RBL2: variants seen among roughly 807,000 people sequenced by gnomAD.
The protein encoded by RBL2 is retinoblastoma-like protein 2.
RBL2 carries 56 observed loss-of-function variants against 126.0 expected under a neutral mutation model. That is an observed-to-expected ratio of 0.44 (90% CI 0.36 to 0.56). The LOEUF is 0.56. Among genes scored for constraint, RBL2 ranks in the 20% least tolerant of loss-of-function variants. The pLI is 0.00. For missense variants in RBL2, 1,229 were observed against 1,398.2 expected (o/e 0.88, Z 1.93); for synonymous variants, 454 against 478.5 (o/e 0.95, Z 0.67).
chr16:53,435,810 T>G (rs572785166), intron 1 of RBL2: 3 of 1,187,862 alleles, frequency 2.5e-6, no homozygotes, highest in East Asian at 5.7e-5. Context: ...TAATTTGTAT[T>G]TGCATTAATA....
intron 1 of RBL2, 111 bp from the exon 2 acceptor site, chr16:53,438,903 TAA>T (rs1360053443): frequency 3.3e-6 from 1 of 304,454 alleles, no homozygotes; most frequent in Non-Finnish European, 5.3e-6. Flanking sequence ...TCATTGAAAC[TAA>T]GTTTCCCACA....
intron 21 of RBL2, among the ~76,000 whole-genome samples, chr16:53,484,373 G>A (rs1961076881): frequency 6.6e-6 from 1 of 152,138 alleles, no homozygotes; most frequent in Admixed American, 6.6e-5. Flanking sequence ...AATGTAAATG[G>A]TCTAAATGTA....
intron 1 of RBL2, 41 bp downstream of exon 1, chr16:53,434,837 G>A (rs779402219): frequency 8.2e-6 from 12 of 1,454,886 alleles, no homozygotes; most frequent in Non-Finnish European, 1.1e-5. Context: ...CCTAGTTGGC[G>A]TGAACCGGTG....
intron 9 of RBL2, among the ~76,000 whole-genome samples, chr16:53,461,485 C>T (rs916996820): frequency 1.3e-5 from 2 of 151,218 alleles, no homozygotes; most frequent in African/African-American, 4.9e-5. Context: ...GAGCGAGACT[C>T]TGTCTCAAAA....
chr16:53,436,652 A>G (rs1476339357), intron 1 of RBL2, among the ~76,000 whole-genome samples: 1 of 152,204 alleles, frequency 6.6e-6, no homozygotes. Flanking sequence ...AATACTGGTT[A>G]TGGAATTTTA....
intron 14 of RBL2, 52 bp downstream of exon 14, chr16:53,467,221 A>T: frequency 7.1e-7 from 1 of 1,413,776 alleles, no homozygotes; most frequent in Non-Finnish European, 1.0e-6. Context: ...CTGGAAATTT[A>T]AATTTCATCT....
chr16:53,487,844 A>C (rs917453069), intron 21 of RBL2: 3 of 152,246 alleles, frequency 2.0e-5, no homozygotes, highest in Non-Finnish European at 2.9e-5. Context: ...AAAACCACCA[A>C]ATGTAAAAGT....
chr16:53,455,357 A>G (rs1485278726), intron 8 of RBL2, among the ~76,000 whole-genome samples: 1 of 152,246 alleles, frequency 6.6e-6, no homozygotes. Flanking sequence ...ACTTCTGGCA[A>G]GTGCCACCAG....
At chr16:53,467,359 G>T (rs1659735845) in intron 14 of RBL2, among the ~76,000 whole-genome samples, 190 bp downstream of exon 14, 1 of 152,060 alleles carries the variant, frequency 6.6e-6, no homozygotes, top group Non-Finnish European at 1.5e-5. Context: ...GATATAACAG[G>T]TATCTTTTAA....
At chr16:53,452,765 C>T (rs1249278527) in intron 5 of RBL2, among the ~76,000 whole-genome samples, 4 of 152,078 alleles carry the variant, frequency 2.6e-5, no homozygotes. Context: ...CTCCTGGGCT[C>T]AGATGATCCT....
At chr16:53,488,127 A>C (rs961662957) in intron 21 of RBL2, 1 of 152,222 alleles carries the variant, frequency 6.6e-6, no homozygotes, top group African/African-American at 2.4e-5. Flanking sequence ...CTTTCTTCCT[A>C]ATTGCCAAAA....
chr16:53,467,274 A>ATTTTC, intron 14 of RBL2, 105 bp downstream of exon 14: 4 of 890,374 alleles, frequency 4.5e-6, no homozygotes, highest in Non-Finnish European at 7.0e-6. Flanking sequence ...AGAAGAAAAT[A>ATTTTC]TTCTATGCAT....
chr16:53,478,234 T>C (rs1043054856), intron 17 of RBL2, among the ~76,000 whole-genome samples: 13 of 152,200 alleles, frequency 8.5e-5, no homozygotes, highest in Non-Finnish European at 1.8e-4. Context: ...ACTGAAAAGT[T>C]GTTTTTCTCT....
intron 7 of RBL2, chr16:53,454,243 C>T (rs749157922): frequency 8.8e-6 from 4 of 452,366 alleles, no homozygotes; most frequent in East Asian, 7.0e-5. Context: ...CTCGCTGTGT[C>T]GCCCAGGCTG....
chr16:53,479,064 C>G, intron 17 of RBL2, 90 bp from the exon 18 acceptor site: 1 of 976,704 alleles, frequency 1.0e-6, no homozygotes, highest in East Asian at 2.4e-5. Flanking sequence ...TAATTTTCAC[C>G]CCTTTTACTG....
At position 53,459,509 on chromosome 16, in the gene RBL2, G is replaced by A. The variant is rs1290333229; in HGVS notation, c.1238G>A (p.Ser413Asn). ...GGTGTTAGGTACATTAAGGAGAATA[G>A]CCCTTGTGTGACTCCAGTTTCTACA... The part of the protein sequence containing the change: ...LTGVRYIKEN[S>N]PCVTPVSTAT... Residue 413 changes from serine to asparagine, a missense_variant, in exon 9 of 22, where the codon AGC becomes AAC. Around this residue, in one of 2 missense-constraint regions of RBL2, gnomAD observed 1,070 missense variants for 1,274.3 expected, o/e 0.84. Transcript: ENST00000262133. 1.9e-6 allele frequency: 3 copies of A among 1,613,002 alleles called. No homozygotes were observed. The East Asian group carries it at 6.7e-5, about 36-fold the overall frequency.
chr16:53,465,642 A>G (rs373232095), intron 13 of RBL2, 40 bp downstream of exon 13: 44 of 1,432,884 alleles, frequency 3.1e-5, no homozygotes, highest in Non-Finnish European at 4.1e-5. Context: ...AAAATACATC[A>G]ATATCTAATC....
chr16:53,465,431 AT>A lies in RBL2; in HGVS notation c.1699-4del. ...TATTCAGTGAACCAAGACATTTTTT[AT>A]TTCAGGTGATAGAAGTATTCATTAG... On this transcript the variant is annotated splice_region_variant and splice_polypyrimidine_tract_variant and intron_variant, in intron 12 of 21. Coordinates refer to ENST00000262133, the MANE Select transcript of RBL2 (RefSeq NM_005611.4). 1 of 1,388,040 alleles carries A rather than the reference AT, an allele frequency of 7.2e-7. No individual in the cohort carries two copies. Among genetic ancestry groups the A allele is most frequent in the Non-Finnish European group, 9.4e-7 (1 of 1,060,622 alleles). The allele number at this position is 1,388,040 out of a possible 1,614,324, so 86.0% of individuals were successfully genotyped here. A position where few individuals can be genotyped will look rare whatever the true frequency, so the allele number is the denominator to read the frequency against.
At chr16:53,471,014 C>G (rs1254639180) in intron 17 of RBL2, 92 bp downstream of exon 17, 1 of 1,303,282 alleles carries the variant, frequency 7.7e-7, no homozygotes, top group Non-Finnish European at 1.1e-6. Context: ...TTTACATGCT[C>G]TATAATTCAC....
Sources: allele counts gnomAD v4.1 joint callset (sites outside exome capture counted in the v4.1 genomes callset), GRCh38; gene constraint gnomAD v4.1.1; regional missense constraint gnomAD v4.1.1; transcripts MANE v1.5; gene names NCBI Gene and HGNC (gene_info 2026-07-23, HGNC 2026-07-21).